The following LY6S variants were observed in gnomAD, a reference collection of about 807,000 sequenced individuals.
The protein encoded by LY6S is lymphocyte antigen 6 family member S, also known as lymphocyte antigen 6S.
the LY6S span, among the ~76,000 whole-genome samples, chr8:143,072,069 T>C: frequency 1.3e-5 from 2 of 151,846 alleles, no homozygotes; most frequent in African/African-American, 2.4e-5. Flanking sequence ...CTTTTATTTA[T>C]CTGAAAAAAT....
the LY6S span, among the ~76,000 whole-genome samples, chr8:143,067,962 G>C: frequency 6.6e-6 from 1 of 152,152 alleles, no homozygotes; most frequent in African/African-American, 2.4e-5. Flanking sequence ...ACAAGCCGGA[G>C]ACAGAAACCT....
chr8:143,059,400 G>GT, the LY6S span, among the ~76,000 whole-genome samples: 49 of 147,960 alleles, frequency 3.3e-4, no homozygotes, highest in Non-Finnish European at 4.2e-4. Flanking sequence ...TTTACTGACG[G>GT]TTTTTTTTTT....
chr8:143,068,916 C>G, the LY6S span, among the ~76,000 whole-genome samples: 1 of 152,106 alleles, frequency 6.6e-6, no homozygotes, highest in Non-Finnish European at 1.5e-5. Flanking sequence ...TCTTATGTCC[C>G]AGGGAGAAAT....
the LY6S span, among the ~76,000 whole-genome samples, chr8:143,049,959 C>T: frequency 6.6e-6 from 1 of 152,180 alleles, no homozygotes; most frequent in African/African-American, 2.4e-5. Context: ...GAGAGTAGCC[C>T]TAGGAGTCCT....
the LY6S span, among the ~76,000 whole-genome samples, chr8:143,058,147 G>A: frequency 1.8e-4 from 27 of 152,314 alleles, no homozygotes; most frequent in African/African-American, 6.5e-4. Context: ...GTAGGGTCCA[G>A]CCCCACAGGG....
chr8:143,060,680 C>G, the LY6S span, among the ~76,000 whole-genome samples: 1 of 152,168 alleles, frequency 6.6e-6, no homozygotes, highest in Non-Finnish European at 1.5e-5. Flanking sequence ...GTCTCCACGC[C>G]TTGGTGGTAG....
At chr8:143,067,852 T>C in the LY6S span, among the ~76,000 whole-genome samples, 1 of 152,230 alleles carries the variant, frequency 6.6e-6, no homozygotes, top group Admixed American at 6.5e-5. Context: ...CCGAGCAGTA[T>C]TGCTGCCAGC....
chr8:143,054,584 C>T, the LY6S span, among the ~76,000 whole-genome samples: 1 of 152,158 alleles, frequency 6.6e-6, no homozygotes, highest in Non-Finnish European at 1.5e-5. Context: ...GGTTGTGGAT[C>T]TCCAGTGTAT....
At chr8:143,057,787 T>C in the LY6S span, 1 of 781,402 alleles carries the variant, frequency 1.3e-6, no homozygotes. Flanking sequence ...CCTGTGGATG[T>C]GTTCTTGAAA....
At chr8:143,070,436 T>C in the LY6S span, among the ~76,000 whole-genome samples, 258 of 89,350 alleles carry the variant, frequency 2.9e-3, 2 homozygotes, top group African/African-American at 0.017. Flanking sequence ...ATATATATTA[T>C]ATATATATTG....
the LY6S span, chr8:143,042,985 A>T: frequency 1.5e-6 from 2 of 1,366,688 alleles, no homozygotes; most frequent in Non-Finnish European, 2.0e-6. Flanking sequence ...CCCTGGCCAC[A>T]TCCTTCCCCT....
At chr8:143,061,529 G>A in the LY6S span, among the ~76,000 whole-genome samples, 2 of 152,050 alleles carry the variant, frequency 1.3e-5, no homozygotes, top group East Asian at 3.9e-4. Flanking sequence ...TGGTTGGTTG[G>A]TTTGGTGTTT....
At chr8:143,072,207 CTG>C in the LY6S span, among the ~76,000 whole-genome samples, 1 of 151,996 alleles carries the variant, frequency 6.6e-6, no homozygotes, top group African/African-American at 2.4e-5. Flanking sequence ...AGCCGTCATT[CTG>C]GGGGTTCCTG....
chr8:143,070,821 T>G, the LY6S span, among the ~76,000 whole-genome samples: 1 of 152,118 alleles, frequency 6.6e-6, no homozygotes, highest in African/African-American at 2.4e-5. Context: ...ATTTCATTTC[T>G]TCTCTCACTC....
the LY6S span, among the ~76,000 whole-genome samples, chr8:143,051,004 A>G: frequency 6.6e-6 from 1 of 152,208 alleles, no homozygotes; most frequent in South Asian, 2.1e-4. Context: ...ATTTGGAAAG[A>G]ACAGGTCTTC....
the LY6S span, among the ~76,000 whole-genome samples, chr8:143,068,055 G>A: frequency 6.6e-6 from 1 of 152,130 alleles, no homozygotes; most frequent in Non-Finnish European, 1.5e-5. Context: ...TGGGCTGGGG[G>A]ATGTAAGGTC....
chr8:143,051,538 C>G, the LY6S span, among the ~76,000 whole-genome samples: 12 of 151,610 alleles, frequency 7.9e-5, no homozygotes, highest in South Asian at 2.5e-3. Context: ...AAGACTCTGA[C>G]TCAAAACTAA....
At chr8:143,049,765 G>A in the LY6S span, among the ~76,000 whole-genome samples, 5 of 152,206 alleles carry the variant, frequency 3.3e-5, no homozygotes, top group Admixed American at 1.3e-4. Context: ...GGAGCTGCTC[G>A]CACTGGGACT....
At chr8:143,073,397 C>T in the LY6S span, among the ~76,000 whole-genome samples, 1 of 147,696 alleles carries the variant, frequency 6.8e-6, no homozygotes, top group Non-Finnish European at 1.5e-5. Flanking sequence ...AGCCATCATC[C>T]TCGGGGTCCC....
Sources: gnomAD v4.1 joint callset for allele counts (sites outside exome capture counted in the v4.1 genomes callset) on GRCh38, gnomAD v4.1.1 for gene constraint, MANE v1.5 for transcripts, NCBI Gene and HGNC (gene_info 2026-07-23, HGNC 2026-07-21) for gene names.